The following ZNF721 variants were observed in gnomAD, a reference collection of about 807,000 sequenced individuals.
The protein encoded by ZNF721 is zinc finger protein 721.
In ZNF721, 2 loss-of-function variants were observed where a neutral mutation model predicts 2.4. That is an observed-to-expected ratio of 0.82 (90% confidence interval 0.34 to 2.58). The LOEUF is 2.58. ZNF721 is among the 30% of genes most tolerant of loss of function. The pLI is 0.11. For synonymous variants in ZNF721, 398 were observed against 381.8 expected (o/e 1.04, Z -0.50); for missense variants, 1,187 against 1,085.5 (o/e 1.09, Z -1.31).
intron 1 of ZNF721, among the ~76,000 whole-genome samples, chr4:495,030 C>G (rs1219330171): frequency 4.0e-5 from 6 of 151,830 alleles, no homozygotes; most frequent in Non-Finnish European, 8.8e-5. Flanking sequence ...CTACAGGCGC[C>G]GGCCACCATG....
At chr4:469,150 A>T (rs1715350327) in intron 2 of ZNF721, among the ~76,000 whole-genome samples, 1 of 152,122 alleles carries the variant, frequency 6.6e-6, no homozygotes, top group Admixed American at 6.5e-5. Context: ...GCCCAGGCTC[A>T]TCTCAAACTC....
chr4:497,883 G>T, intron 1 of ZNF721, among the ~76,000 whole-genome samples: 1 of 150,634 alleles, frequency 6.6e-6, no homozygotes, highest in East Asian at 2.0e-4. Context: ...GGGCGACAGA[G>T]CGAGACTCCG....
At chr4:469,852 G>C (rs1390889879) in intron 2 of ZNF721, among the ~76,000 whole-genome samples, 1 of 152,104 alleles carries the variant, frequency 6.6e-6, no homozygotes, top group Non-Finnish European at 1.5e-5. Context: ...CATGGTGCTA[G>C]AAAAACTGGA....
intron 1 of ZNF721, among the ~76,000 whole-genome samples, chr4:496,647 A>G (rs1553872237): frequency 2.0e-5 from 3 of 151,490 alleles, no homozygotes; most frequent in Non-Finnish European, 4.4e-5. Context: ...CCAACAAGAC[A>G]GAAACAAACA....
At chr4:478,184 ATTATT>A (rs1715682009) in intron 1 of ZNF721, among the ~76,000 whole-genome samples, 1 of 152,150 alleles carries the variant, frequency 6.6e-6, no homozygotes, top group Non-Finnish European at 1.5e-5. Context: ...TCTTGGCTGA[ATTATT>A]TCTCTCAAGA....
rs376083117 is a variant in ZNF721, at chr4:442,550, T to C, written c.1917A>G (p.Lys639=). The C allele has an allele frequency of 3.5e-5, 56 of 1,613,820 alleles. No individual in the cohort carries two copies. Among genetic ancestry groups the C allele is most frequent in the Non-Finnish European group, 4.5e-5 (53 of 1,179,892 alleles). Residue 639 remains lysine (K), a synonymous_variant, in exon 3 of 3, where the codon AAA becomes AAG. Coordinates refer to ENST00000511833, the MANE Select transcript of ZNF721 (RefSeq NM_133474.4). ...NQQKKIYTGE[K]PYKCEECGKA... is the part of the protein sequence containing the mutation. ...TGCCACACTCTTCACATTTGTAAGG[T>C]TTCTCCCCAGTGTAAATTTTCTTCT... is the stretch of plus-strand genomic sequence containing the variant.
intron 1 of ZNF721, among the ~76,000 whole-genome samples, chr4:498,469 T>G (rs1325941126): frequency 9.9e-5 from 15 of 152,062 alleles, no homozygotes; most frequent in African/African-American, 3.6e-4. Context: ...TCCCTTAGTT[T>G]AGTAATTTTG....
At chr4:449,632 G>T (rs1466823895) in intron 2 of ZNF721, among the ~76,000 whole-genome samples, 1 of 152,036 alleles carries the variant, frequency 6.6e-6, no homozygotes, top group African/African-American at 2.4e-5. Flanking sequence ...GCAGAGTGAA[G>T]AGATAATCTA....
rs1468597511 is a variant in ZNF721, at chr4:465,435, G to T, written c.34+7140C>A. On this transcript the variant is annotated intron_variant, in intron 2 of 2. Transcript: ENST00000511833. Reference sequence around the variant, plus strand: ...ATCTTAAGCTAGGCTTTTGTTTTTTGTTTTTTTTTTTTTTGAGACGGAGTC... The same window carrying T: ...ATCTTAAGCTAGGCTTTTGTTTTTTTTTTTTTTTTTTTTTGAGACGGAGTC... Among the ~76,000 whole-genome samples, 397 of 139,014 alleles carry T rather than the reference G, an allele frequency of 2.9e-3. 1 individual carries two copies. Among genetic ancestry groups the T allele is most frequent in the Admixed American group, 4.5e-3 (63 of 14,102 alleles). The allele number at this position is 139,014 out of a possible 152,430, so 91.2% of individuals were successfully genotyped here. A position where few individuals can be genotyped will look rare whatever the true frequency, so the allele number is the denominator to read the frequency against.
intron 2 of ZNF721, among the ~76,000 whole-genome samples, chr4:445,927 A>C (rs185154469): frequency 6.6e-6 from 1 of 152,332 alleles, no homozygotes; most frequent in Admixed American, 6.5e-5. Context: ...CAACAAAACT[A>C]TTTCACACCA....
At chr4:459,591 G>A (rs1714952951) in intron 2 of ZNF721, among the ~76,000 whole-genome samples, 1 of 152,146 alleles carries the variant, frequency 6.6e-6, no homozygotes, top group African/African-American at 2.4e-5. Context: ...AGCACTTTGA[G>A]AGGCCGAGGT....
intron 2 of ZNF721, among the ~76,000 whole-genome samples, chr4:460,292 C>A (rs1210766635): frequency 1.3e-5 from 2 of 152,156 alleles, no homozygotes; most frequent in Non-Finnish European, 2.9e-5. Flanking sequence ...AAACTCAAAA[C>A]TGCACAACTA....
intron 1 of ZNF721, among the ~76,000 whole-genome samples, chr4:497,137 G>A (rs1716173827): frequency 1.3e-5 from 2 of 151,700 alleles, no homozygotes; most frequent in Non-Finnish European, 2.9e-5. Flanking sequence ...CTAGTGATGG[G>A]GCTCAAGCTG....
At chr4:466,210 AT>A (rs1281413703) in intron 2 of ZNF721, among the ~76,000 whole-genome samples, 1 of 124,622 alleles carries the variant, frequency 8.0e-6, no homozygotes, top group Non-Finnish European at 1.7e-5. Flanking sequence ...AGAAAAAGGA[AT>A]TAAGACACTC....
intron 2 of ZNF721, among the ~76,000 whole-genome samples, chr4:448,776 ACT>A (rs1309870644): frequency 1.3e-5 from 2 of 152,182 alleles, no homozygotes; most frequent in African/African-American, 2.4e-5. Context: ...AAAAATACAA[ACT>A]CACACACGGT....
intron 2 of ZNF721, among the ~76,000 whole-genome samples, chr4:447,104 A>T (rs1714502864): frequency 6.6e-6 from 1 of 152,058 alleles, no homozygotes; most frequent in South Asian, 2.1e-4. Flanking sequence ...GGTGGATCAC[A>T]AGGTCAGGAG....
intron 1 of ZNF721, chr4:474,282 A>T (rs1715565988): frequency 2.9e-6 from 1 of 341,618 alleles, no homozygotes; most frequent in Admixed American, 4.0e-5. Flanking sequence ...AGAAATTGTG[A>T]CCATACAATG....
intron 2 of ZNF721, among the ~76,000 whole-genome samples, chr4:453,072 C>T (rs1197782921): frequency 6.6e-6 from 1 of 152,178 alleles, no homozygotes; most frequent in Non-Finnish European, 1.5e-5. Context: ...GCCCAGAGGA[C>T]CAGAAACATG....
At position 470,292 on chromosome 4, in the gene ZNF721, T is replaced by C. The variant is rs895914558; in HGVS notation, c.34+2283A>G. Among the ~76,000 whole-genome samples the C allele has an allele frequency of 5.9e-5, 9 of 152,178 alleles. No individual in the cohort carries two copies. In the East Asian group the frequency reaches 1.7e-3, roughly 29 times the overall value. ...AACAAAACATATGGAAAAACCTTGA[T>C]ACTGGTCTTGGCAATAATTTTTTGA... On this transcript the variant is annotated intron_variant, in intron 2 of 2. Coordinates refer to ENST00000511833, the MANE Select transcript of ZNF721 (RefSeq NM_133474.4).
Sources: allele counts gnomAD v4.1 joint callset (sites outside exome capture counted in the v4.1 genomes callset), GRCh38; gene constraint gnomAD v4.1.1; transcripts MANE v1.5; gene names NCBI Gene and HGNC (gene_info 2026-07-23, HGNC 2026-07-21).